The following TECRL variants were observed in gnomAD, a reference collection of about 807,000 sequenced individuals.
TECRL encodes the protein trans-2,3-enoyl-CoA reductase like, also known as trans-2,3-enoyl-CoA reductase-like.
TECRL carries 63 observed loss-of-function variants against 52.8 expected under a neutral mutation model. The observed-to-expected ratio is 1.19, with a 90% CI of 0.97 to 1.47. The LOEUF (loss-of-function observed/expected upper bound fraction) is 1.47, where lower values mean the gene tolerates loss of function less well. TECRL is among the 40% of genes most tolerant of loss of function. The probability of loss-of-function intolerance (pLI) is 0.00; values close to 1 mark genes in which losing one functional copy is unlikely to be tolerated. For missense variants in TECRL, 482 were observed against 429.6 expected (o/e 1.12, Z -1.08); for synonymous variants, 164 against 141.9 (o/e 1.16, Z -1.10).
At chr4:64,318,341 A>ACTT (rs1717655703) in intron 4 of TECRL, among the ~76,000 whole-genome samples, 1 of 152,122 alleles carries the variant, frequency 6.6e-6, no homozygotes, top group African/African-American at 2.4e-5. Flanking sequence ...ATATGTAAAA[A>ACTT]CTTTGAAAAG....
intron 1 of TECRL, among the ~76,000 whole-genome samples, chr4:64,406,785 T>G (rs1724757161): frequency 6.6e-6 from 1 of 152,040 alleles, no homozygotes; most frequent in African/African-American, 2.4e-5. Context: ...ACATGGTATG[T>G]AAATTGTACC....
chr4:64,290,793 T>C (rs572934916), intron 8 of TECRL, among the ~76,000 whole-genome samples: 32 of 152,214 alleles, frequency 2.1e-4, no homozygotes, highest in African/African-American at 7.5e-4. Flanking sequence ...TAGGTAAAAA[T>C]GCTATTTAAA....
rs1177317157 is a variant in TECRL at position 64,408,223 on chromosome 4, C to T, written c.234+895G>A. 2.0e-5 allele frequency among the ~76,000 whole-genome samples: 3 copies of T among 151,768 alleles called. No homozygotes were observed. The East Asian group carries it at 5.8e-4, about 29-fold the overall frequency. On this transcript the variant is annotated intron_variant, in intron 1 of 11. Transcript: ENST00000381210. ...TTCTTTTTTCCTTTTTTCTAAAGAC[C>T]TAGCTAGAACATGGAAAAACGGAAT...
chr4:64,338,125 C>T (rs1577896191), intron 2 of TECRL, among the ~76,000 whole-genome samples: 2 of 152,162 alleles, frequency 1.3e-5, no homozygotes, highest in South Asian at 2.1e-4. Context: ...AGAAATAATA[C>T]CACACATCTA....
At chr4:64,402,143 A>G (rs1724397611) in intron 1 of TECRL, among the ~76,000 whole-genome samples, 1 of 152,046 alleles carries the variant, frequency 6.6e-6, no homozygotes. Flanking sequence ...TTTTTTCTGA[A>G]CCCAAGATAG....
chr4:64,346,165 A>G (rs1436078813), intron 2 of TECRL, among the ~76,000 whole-genome samples: 4 of 152,110 alleles, frequency 2.6e-5, no homozygotes, highest in African/African-American at 4.8e-5. Flanking sequence ...CTTTCTTGCT[A>G]CGAAATATTC....
chr4:64,289,773 A>G lies in TECRL; in HGVS notation c.775-6T>C. 6.5e-7 allele frequency: 1 copy of G among 1,541,264 alleles called. No homozygotes were observed. The highest frequency in any genetic ancestry group is 1.3e-5 in the South Asian group (1 of 76,742). ...TGATTCCCAGCTTCACAAATCTGCA[A>G]AACATTTTAAACACTTTCAGTGTGA... On this transcript the variant is annotated splice_polypyrimidine_tract_variant and splice_region_variant and intron_variant, in intron 8 of 11. Transcript: ENST00000381210.
intron 4 of TECRL, among the ~76,000 whole-genome samples, chr4:64,316,332 C>T (rs545602658): frequency 6.6e-6 from 1 of 151,974 alleles, no homozygotes. Flanking sequence ...AGAGAGCCTA[C>T]TAGTATATAA....
chr4:64,373,050 A>G (rs1722096475), intron 2 of TECRL, among the ~76,000 whole-genome samples: 1 of 151,746 alleles, frequency 6.6e-6, no homozygotes, highest in Non-Finnish European at 1.5e-5. Flanking sequence ...ATGTTTTTCA[A>G]TGTCTTTCAA....
chr4:64,402,976 T>C (rs775532864), intron 1 of TECRL, among the ~76,000 whole-genome samples: 12 of 152,132 alleles, frequency 7.9e-5, no homozygotes, highest in Non-Finnish European at 1.3e-4. Flanking sequence ...GGGATACTTA[T>C]TGCATTTCTC....
intron 1 of TECRL, among the ~76,000 whole-genome samples, chr4:64,398,858 A>T (rs947545167): frequency 6.6e-6 from 1 of 152,160 alleles, no homozygotes; most frequent in Non-Finnish European, 1.5e-5. Flanking sequence ...AATGATACGG[A>T]CAGTGAATTC....
At chr4:64,334,146 G>A (rs889751713) in intron 2 of TECRL, among the ~76,000 whole-genome samples, 1 of 151,044 alleles carries the variant, frequency 6.6e-6, no homozygotes, top group Non-Finnish European at 1.5e-5. Flanking sequence ...GAAGCCTACA[G>A]ACCTAAGAAA....
At chr4:64,368,335 G>A (rs1163864363) in intron 2 of TECRL, among the ~76,000 whole-genome samples, 2 of 151,700 alleles carry the variant, frequency 1.3e-5, no homozygotes, top group Non-Finnish European at 2.9e-5. Flanking sequence ...TGCTGTTGTC[G>A]CCCAGGCTGG....
chr4:64,335,281 C>T (rs1326707295), intron 2 of TECRL, among the ~76,000 whole-genome samples: 2 of 152,240 alleles, frequency 1.3e-5, no homozygotes, highest in Admixed American at 1.3e-4. Flanking sequence ...ATTAGATTCT[C>T]ATAGCAGCAC....
intron 1 of TECRL, among the ~76,000 whole-genome samples, chr4:64,379,854 C>G (rs1722658838): frequency 1.3e-5 from 2 of 152,022 alleles, no homozygotes; most frequent in South Asian, 4.1e-4. Flanking sequence ...AATAGTGTTG[C>G]AATAATCATG....
At chr4:64,303,248 A>C (rs78135704) in intron 7 of TECRL, among the ~76,000 whole-genome samples, 1 of 148,730 alleles carries the variant, frequency 6.7e-6, no homozygotes, top group Non-Finnish European at 1.5e-5. Context: ...CAGAAAAAAA[A>C]CAATAAATGG....
chr4:64,316,144 T>A (rs1717481012), intron 4 of TECRL, among the ~76,000 whole-genome samples: 1 of 152,124 alleles, frequency 6.6e-6, no homozygotes, highest in South Asian at 2.1e-4. Context: ...TGAAGTCAAA[T>A]TTGAGCAAAT....
chr4:64,300,720 AT>A (rs1443910002), intron 7 of TECRL, among the ~76,000 whole-genome samples: 1 of 150,908 alleles, frequency 6.6e-6, no homozygotes, highest in Admixed American at 6.6e-5. Flanking sequence ...TTGTATTTAT[AT>A]AAACACATTT....
rs898577957 is a variant in TECRL, at chr4:64,302,854, T to C, written c.730+2312A>G. Among the ~76,000 whole-genome samples the C allele has an allele frequency of 3.3e-5, 5 of 151,456 alleles. No homozygotes were observed. The South Asian group carries it at 1.0e-3, about 31-fold the overall frequency. ...TTATACCTGCTTTGCTGAAAACAGC[T>C]TTAATATATACTATTTCCTTTTTTG... On this transcript the variant is annotated intron_variant, in intron 7 of 11. Transcript: ENST00000381210.
Sources: gnomAD v4.1 joint callset for allele counts (sites outside exome capture counted in the v4.1 genomes callset) on GRCh38, gnomAD v4.1.1 for gene constraint, MANE v1.5 for transcripts, NCBI Gene and HGNC (gene_info 2026-07-23, HGNC 2026-07-21) for gene names.